The following SOX6 variants were observed in gnomAD, a reference collection of about 807,000 sequenced individuals.
SOX6 encodes the protein transcription factor SOX-6.
In SOX6, 11 loss-of-function variants were observed where a neutral mutation model predicts 97.8. That is an observed-to-expected ratio of 0.11 (90% CI 0.07 to 0.19). The LOEUF is 0.19. SOX6 is among the 10% of genes least tolerant of loss of function. SOX6 has a pLI of 1.00. For missense variants in SOX6, 810 were observed against 1,039.5 expected (o/e 0.78, Z 3.04); for synonymous variants, 360 against 371.4 (o/e 0.97, Z 0.35).
intron 15 of SOX6, among the ~76,000 whole-genome samples, chr11:15,974,766 C>T (rs868056676): frequency 6.6e-6 from 1 of 152,136 alleles, no homozygotes; most frequent in Non-Finnish European, 1.5e-5. Flanking sequence ...TATTGGTTCA[C>T]GCTGAATTTA....
intron 13 of SOX6, among the ~76,000 whole-genome samples, chr11:15,997,790 ACC>A (rs1854271693): frequency 6.6e-6 from 1 of 152,156 alleles, no homozygotes; most frequent in Admixed American, 6.5e-5. Flanking sequence ...GTCCACTCTC[ACC>A]ATTGTTAATC....
chr11:16,284,663 C>T (rs1854679075), intron 3 of SOX6, among the ~76,000 whole-genome samples: 1 of 152,094 alleles, frequency 6.6e-6, no homozygotes, highest in Admixed American at 6.6e-5. Flanking sequence ...AATACAGGTA[C>T]ATCACCAAGC....
At chr11:16,148,063 A>G (rs928167970) in intron 6 of SOX6, among the ~76,000 whole-genome samples, 2 of 152,208 alleles carry the variant, frequency 1.3e-5, no homozygotes, top group Admixed American at 1.3e-4. Context: ...AATAATTTTT[A>G]TAGCCATTGA....
rs534243976 is a variant in SOX6, at chr11:16,500,610, G to C, written n.610-24222C>G. Among the ~76,000 whole-genome samples the C allele has an allele frequency of 2.0e-5, 3 of 152,300 alleles. No individual in the cohort carries two copies. In the East Asian group the frequency reaches 5.8e-4, roughly 29 times the overall value. Reference sequence around the variant, plus strand: ...TTAGCTGATAAGCAACTTCAGCAAAGTCTCAGGATACAAAATCAATGTGCA... The same window carrying C: ...TTAGCTGATAAGCAACTTCAGCAAACTCTCAGGATACAAAATCAATGTGCA... On this transcript the variant is annotated intron_variant and non_coding_transcript_variant, in intron 4 of 5. Transcript: ENST00000524520.
intron 3 of SOX6, among the ~76,000 whole-genome samples, chr11:16,241,216 A>G (rs1370123533): frequency 6.6e-6 from 1 of 152,100 alleles, no homozygotes; most frequent in Non-Finnish European, 1.5e-5. Flanking sequence ...TCCTAAAATT[A>G]CTGTTGAACT....
At chr11:16,355,430 T>C (rs1202483220) in intron 1 of SOX6, among the ~76,000 whole-genome samples, 1 of 152,070 alleles carries the variant, frequency 6.6e-6, no homozygotes, top group Non-Finnish European at 1.5e-5. Context: ...ATCAATTTAA[T>C]TTACTATAGT....
chr11:16,683,100 G>C (rs1427279228), intron 3 of SOX6, among the ~76,000 whole-genome samples: 1 of 152,186 alleles, frequency 6.6e-6, no homozygotes, highest in Non-Finnish European at 1.5e-5. Flanking sequence ...CAAACAAATG[G>C]AAGAACATTC....
intron 3 of SOX6, among the ~76,000 whole-genome samples, chr11:16,253,737 A>G (rs890704703): frequency 6.6e-6 from 1 of 152,104 alleles, no homozygotes; most frequent in Non-Finnish European, 1.5e-5. Context: ...TACAAATGGT[A>G]TATCATATGT....
At chr11:16,040,563 T>C (rs987533238) in intron 12 of SOX6, among the ~76,000 whole-genome samples, 12 of 152,088 alleles carry the variant, frequency 7.9e-5, no homozygotes, top group Non-Finnish European at 1.5e-4. Flanking sequence ...AGTATAAATA[T>C]AGCTATTCAT....
At chr11:16,563,721 A>C (rs1847839507) in intron 4 of SOX6, among the ~76,000 whole-genome samples, 1 of 152,194 alleles carries the variant, frequency 6.6e-6, no homozygotes, top group Admixed American at 6.5e-5. Context: ...AATTGAAAAC[A>C]TCCTAATTAT....
At chr11:15,977,166 G>T (rs911883954) in intron 15 of SOX6, among the ~76,000 whole-genome samples, 2 of 151,780 alleles carry the variant, frequency 1.3e-5, no homozygotes, top group African/African-American at 4.8e-5. Flanking sequence ...GCTCACTGTT[G>T]CTGTTTCTTC....
intron 1 of SOX6, among the ~76,000 whole-genome samples, chr11:16,388,304 T>C (rs572338513): frequency 2.6e-5 from 4 of 152,254 alleles, no homozygotes; most frequent in Middle Eastern, 3.4e-3. Flanking sequence ...TTTTCCTACA[T>C]TGCTGGATTT....
intron 9 of SOX6, among the ~76,000 whole-genome samples, chr11:16,095,106 T>A (rs987047578): frequency 6.6e-6 from 1 of 151,888 alleles, no homozygotes. Context: ...GAGTTTCCCA[T>A]CCTAGGTTGG....
intron 4 of SOX6, among the ~76,000 whole-genome samples, chr11:16,556,880 C>A (rs112293647): frequency 1.1e-4 from 16 of 151,756 alleles, no homozygotes; most frequent in African/African-American, 1.9e-4. Context: ...GCTGATAATA[C>A]CTCTGAGATC....
chr11:16,552,198 A>T (rs1847696558), intron 4 of SOX6, among the ~76,000 whole-genome samples: 1 of 152,162 alleles, frequency 6.6e-6, no homozygotes, highest in South Asian at 2.1e-4. Flanking sequence ...CAAATCATAA[A>T]GTAAAACACA....
intron 3 of SOX6, among the ~76,000 whole-genome samples, chr11:16,619,845 C>A (rs574894663): frequency 6.6e-6 from 1 of 152,006 alleles, no homozygotes; most frequent in Admixed American, 6.6e-5. Context: ...CACCCATGGG[C>A]ATTTATTTAT....
chr11:16,312,314 G>C (rs1233465559), intron 3 of SOX6: 1 of 152,152 alleles, frequency 6.6e-6, no homozygotes, highest in Non-Finnish European at 1.5e-5. Flanking sequence ...GAGCCATAGA[G>C]TCAGGAATTT....
At chr11:16,341,530 G>T (rs1019408424) in intron 1 of SOX6, among the ~76,000 whole-genome samples, 3 of 151,864 alleles carry the variant, frequency 2.0e-5, no homozygotes, top group Non-Finnish European at 4.4e-5. Flanking sequence ...AATGGACAGG[G>T]TGTGTATGTG....
At chr11:16,283,087 T>TTATATA (rs1565068478) in intron 3 of SOX6, among the ~76,000 whole-genome samples, 1 of 17,214 alleles carries the variant, frequency 5.8e-5, no homozygotes, top group Admixed American at 9.7e-4. Flanking sequence ...TATATATAAT[T>TTATATA]TGTATATATA....
Sources: allele counts gnomAD v4.1 joint callset (sites outside exome capture counted in the v4.1 genomes callset), GRCh38; gene constraint gnomAD v4.1.1; transcripts MANE v1.5; gene names NCBI Gene and HGNC (gene_info 2026-07-23, HGNC 2026-07-21).